The following ADGRF4 variants were observed in gnomAD, a reference collection of about 807,000 sequenced individuals.
The protein encoded by ADGRF4 is G-protein coupled receptor PGR18.
In ADGRF4, 63 loss-of-function variants were observed where a neutral mutation model predicts 58.5. The observed-to-expected ratio is 1.08, with a 90% CI of 0.88 to 1.33. ADGRF4 has a LOEUF of 1.33. Among genes scored for constraint, ADGRF4 ranks in the 40% most tolerant of loss-of-function variants. The pLI is 0.00. For synonymous variants in ADGRF4, 313 were observed against 295.4 expected, an observed-to-expected ratio of 1.06 and a Z score of -0.61; for missense variants, 931 against 843.9, an observed-to-expected ratio of 1.10 and a Z score of -1.28.
At position 47,720,456 on chromosome 6, in the gene ADGRF4, A is replaced by T. The variant is rs78042694; in HGVS notation, c.*4-753A>T. 3.9e-3 allele frequency among the ~76,000 whole-genome samples: 598 copies of T among 152,196 alleles called. 3 individuals carry two copies. Among genetic ancestry groups the T allele is most frequent in the African/African-American group, 0.014 (574 of 41,534 alleles). On this transcript the variant is annotated intron_variant, in intron 9 of 9. Transcript: ENST00000283303. Reference sequence around the variant, plus strand: ...ATTGAGGCTTCCAGTGTTGGGGGACACTCCTCATATCCCAATGATCGCAGG... The same window carrying T: ...ATTGAGGCTTCCAGTGTTGGGGGACTCTCCTCATATCCCAATGATCGCAGG...
rs745953561 is a variant in ADGRF4, at chr6:47,714,137, T to G, written c.892T>G (p.Leu298Val). 30 of 1,613,896 alleles carry G rather than the reference T, an allele frequency of 1.9e-5. No homozygotes were observed. Among genetic ancestry groups the G allele is most frequent in the Non-Finnish European group, 2.2e-5 (26 of 1,179,990 alleles). Residue 298 changes from leucine (L) to valine (V), a missense_variant, in exon 6 of 10, where the codon TTG becomes GTG. Leu to Val is a conservative substitution (Grantham distance 32). Coordinates refer to ENST00000283303, the MANE Select transcript of ADGRF4 (RefSeq NM_153838.5). ...AGCCATTAGCATAGCTTTCCCAACC[T>G]TGGGGGCTATCCTGAGAGAAGCCCA... ...SQAISIAFPT[L>V]GAILREAHLQ...
chr6:47,712,996 C>T (rs1318636965), intron 5 of ADGRF4, among the ~76,000 whole-genome samples: 2 of 152,108 alleles, frequency 1.3e-5, no homozygotes, highest in Admixed American at 6.6e-5. Context: ...GGAGGGTGAG[C>T]GAACATTATC....
rs79736415 is a variant in ADGRF4 at position 47,708,759 on chromosome 6, G to A, written c.148+481G>A. Among the ~76,000 whole-genome samples, 659 of 152,310 alleles carry A rather than the reference G, an allele frequency of 4.3e-3. 3 individuals carry two copies. The highest frequency in any genetic ancestry group is 0.014 in the African/African-American group (574 of 41,562). On this transcript the variant is annotated intron_variant, in intron 3 of 9. Coordinates refer to ENST00000283303, the MANE Select transcript of ADGRF4 (RefSeq NM_153838.5). ...GGGGGTAATCACTAGGAGTACTTCA[G>A]TGAAATCATGTGGTTCTCACTCATG...
chr6:47,700,251 T>G (rs1347977107), intron 1 of ADGRF4, among the ~76,000 whole-genome samples: 1 of 152,190 alleles, frequency 6.6e-6, no homozygotes, highest in Non-Finnish European at 1.5e-5. Flanking sequence ...ACACTTACAG[T>G]TCCCAGCTGA....
At chr6:47,708,644 A>C (rs1018552392) in intron 3 of ADGRF4, among the ~76,000 whole-genome samples, 51 of 152,180 alleles carry the variant, frequency 3.4e-4, no homozygotes, top group African/African-American at 1.2e-3. Context: ...TGTATGCAAC[A>C]CTCTGGTGCT....
chr6:47,718,495 C>A, intron 9 of ADGRF4, 50 bp downstream of exon 9: 1 of 1,049,986 alleles, frequency 9.5e-7, no homozygotes, highest in South Asian at 1.3e-5. Flanking sequence ...TTGTGTCAAT[C>A]CACCAATGCC....
rs759355199 is a variant in ADGRF4 at position 47,714,463 on chromosome 6, C to T, written c.1218C>T (p.Cys406=). The T allele has an allele frequency of 5.0e-5, 81 of 1,614,048 alleles. No homozygotes were observed. The highest frequency in any genetic ancestry group is 6.5e-5 in the Non-Finnish European group (77 of 1,180,032). ...MTDKVLDYIT[C]IGLSVSILSL... The stretch of plus-strand genomic sequence containing the variant: ...ACAAAGTTCTGGACTACATCACCTG[C>T]ATTGGGCTCAGCGTCTCAATCCTAA... Residue 406 remains cysteine (C), a synonymous_variant, in exon 6 of 10, where the codon TGC becomes TGT. Transcript: ENST00000283303.
chr6:47,715,224 C>A, intron 6 of ADGRF4, 47 bp downstream of exon 6: 1 of 1,296,800 alleles, frequency 7.7e-7, no homozygotes. Context: ...GACTAGACCA[C>A]AAAAAAATGG....
chr6:47,720,733 G>C (rs1300643126), intron 9 of ADGRF4, among the ~76,000 whole-genome samples: 1 of 152,172 alleles, frequency 6.6e-6, no homozygotes, highest in East Asian at 1.9e-4. Flanking sequence ...CACCAGGAAG[G>C]CTCTGGGTTC....
At position 47,721,977 on chromosome 6, in the gene ADGRF4, T is replaced by C. The variant is rs1275759188; in HGVS notation, c.*772T>C. 1 of 152,160 alleles carries C rather than the reference T, an allele frequency of 6.6e-6. No individual in the cohort carries two copies. Among genetic ancestry groups the C allele is most frequent in the South Asian group, 2.1e-4 (1 of 4,824 alleles). 9.4% of individuals were successfully genotyped at this position (152,160 alleles called of 1,614,324 possible). ...ATACTATATATAAAGAAGATTCTGG[T>C]TGTTATTTTAGACATAAACGAATAT... On this transcript the variant is annotated 3_prime_UTR_variant, in exon 10 of 10. Coordinates refer to ENST00000283303, the MANE Select transcript of ADGRF4 (RefSeq NM_153838.5).
chr6:47,699,927 C>CA (rs1192975005), intron 1 of ADGRF4, among the ~76,000 whole-genome samples: 240 of 123,526 alleles, frequency 1.9e-3, no homozygotes, highest in African/African-American at 6.9e-3. Flanking sequence ...CACACACAGA[C>CA]GACACACCCC....
intron 8 of ADGRF4, 138 bp from the exon 9 acceptor site, chr6:47,718,251 A>G (rs557136336): frequency 2.5e-5 from 15 of 611,918 alleles, no homozygotes; most frequent in Middle Eastern, 8.1e-4. Flanking sequence ...GAAATATGAT[A>G]ATTTACTTCT....
chr6:47,706,128 G>C (rs1170648258), intron 1 of ADGRF4, among the ~76,000 whole-genome samples: 1 of 152,122 alleles, frequency 6.6e-6, no homozygotes, highest in African/African-American at 2.4e-5. Context: ...TTATTTTGCT[G>C]CATCTGGATT....
intron 3 of ADGRF4, among the ~76,000 whole-genome samples, chr6:47,710,490 G>A (rs1771834137): frequency 6.6e-6 from 1 of 151,936 alleles, no homozygotes; most frequent in African/African-American, 2.4e-5. Context: ...CCCCCTTCAG[G>A]TGCTCTGGAC....
In ADGRF4 at chr6:47,714,549, TATC is replaced by T. The variant is rs1292872555; in HGVS notation, c.1307_1309del (p.Ser436del). ...TGGTCCCGGGTGGTTGTGACGGAGA[TATC>T]ATACATGCGTCACGTGTGCATCGTG... is the stretch of plus-strand genomic sequence containing the variant. On this transcript the variant is annotated inframe_deletion, in exon 6 of 10. Transcript: ENST00000283303. The T allele has an allele frequency of 1.2e-6, 2 of 1,614,032 alleles. No homozygotes were observed. The highest frequency in any genetic ancestry group is 1.3e-5 in the African/African-American group (1 of 74,910).
At position 47,702,954 on chromosome 6, in the gene ADGRF4, G is replaced by A. The variant is rs189345532; in HGVS notation, c.-17+4160G>A. Among the ~76,000 whole-genome samples, 18 of 152,268 alleles carry A rather than the reference G, an allele frequency of 1.2e-4. No homozygotes were observed. In the East Asian group the frequency reaches 2.7e-3, roughly 23 times the overall value. ...GCCCCCATCAGGCTCCCATATGAAA[G>A]CTTCTTCTTTAGGTACTGACCATGG... is the stretch of plus-strand genomic sequence containing the variant. On this transcript the variant is annotated intron_variant, in intron 1 of 9. Transcript: ENST00000283303.
chr6:47,707,795 C>G (rs890300409), intron 2 of ADGRF4, among the ~76,000 whole-genome samples: 7 of 150,708 alleles, frequency 4.6e-5, no homozygotes, highest in Non-Finnish European at 7.4e-5. Context: ...GTGATTATTC[C>G]TAGTATTCCT....
chr6:47,707,814 T>A (rs534243189), intron 2 of ADGRF4, among the ~76,000 whole-genome samples: 4 of 152,346 alleles, frequency 2.6e-5, no homozygotes, highest in African/African-American at 9.6e-5. Flanking sequence ...CTAGTATTCC[T>A]GTTCATTTCT....
chr6:47,714,995 A>C lies in ADGRF4; in HGVS notation c.1750A>C (p.Thr584Pro), dbSNP rs1433861989. ...TGTGGTTTTGGTTGTTGCTGTCAAC[A>C]CTCAGAGGCCCTCTATTGGCAGTTC... ...LIVVLVVAVN[T>P]QRPSIGSSKS... The change falls in exon 6 of 10, where the codon ACT (threonine) becomes CCT (proline). Residue 584 changes from threonine to proline, a missense_variant. Coordinates refer to ENST00000283303, the MANE Select transcript of ADGRF4 (RefSeq NM_153838.5). 1 of 1,613,442 alleles carries C rather than the reference A, an allele frequency of 6.2e-7. No individual in the cohort carries two copies. The highest frequency in any genetic ancestry group is 1.7e-5 in the Admixed American group (1 of 60,024).
Sources: allele counts gnomAD v4.1 joint callset (sites outside exome capture counted in the v4.1 genomes callset), GRCh38; gene constraint gnomAD v4.1.1; transcripts MANE v1.5; gene names NCBI Gene and HGNC (gene_info 2026-07-23, HGNC 2026-07-21).